The following NFIA variants were observed in gnomAD, a reference collection of about 807,000 sequenced individuals.
NFIA encodes the protein nuclear factor I A.
Under a neutral mutation model 62.8 loss-of-function variants are expected in NFIA, and 8 were observed. That is an observed-to-expected ratio of 0.13 (90% CI 0.07 to 0.23). NFIA has a LOEUF of 0.23. NFIA is among the 10% of genes least tolerant of loss of function. The pLI, the probability that NFIA is intolerant of heterozygous loss-of-function variation, is 1.00. For synonymous variants in NFIA, 235 were observed against 238.1 expected, an observed-to-expected ratio of 0.99 and a Z score of 0.12; for missense variants, 410 against 642.1, an observed-to-expected ratio of 0.64 and a Z score of 3.91.
chr1:61,336,309 A>AT (rs1408120382), intron 4 of NFIA, among the ~76,000 whole-genome samples: 7 of 152,014 alleles, frequency 4.6e-5, no homozygotes, highest in South Asian at 4.2e-4. Context: ...TACTTAATTA[A>AT]TTTTTTTTCC....
intron 2 of NFIA, among the ~76,000 whole-genome samples, chr1:61,273,023 C>G (rs568969241): frequency 3.9e-5 from 6 of 152,278 alleles, no homozygotes; most frequent in Non-Finnish European, 7.3e-5. Flanking sequence ...TCTAGTGGAA[C>G]CAGAATTTGT....
At chr1:61,435,995 T>G (rs1474899783) in intron 10 of NFIA, among the ~76,000 whole-genome samples, 1 of 152,162 alleles carries the variant, frequency 6.6e-6, no homozygotes, top group Non-Finnish European at 1.5e-5. Flanking sequence ...CAGAGGTCAT[T>G]TCTTTTCAGC....
intron 2 of NFIA, among the ~76,000 whole-genome samples, chr1:61,129,833 T>C (rs889914179): frequency 6.6e-6 from 1 of 152,180 alleles, no homozygotes; most frequent in Admixed American, 6.5e-5. Flanking sequence ...ACTTTAGAGA[T>C]AACAAATATG....
At chr1:61,443,047 T>A (rs990682627) in intron 10 of NFIA, among the ~76,000 whole-genome samples, 11 of 152,244 alleles carry the variant, frequency 7.2e-5, no homozygotes, top group Non-Finnish European at 1.5e-4. Flanking sequence ...CCTTAATGTT[T>A]TTTAATATTG....
chr1:61,133,582 G>A (rs1647121679), intron 2 of NFIA, among the ~76,000 whole-genome samples: 1 of 152,182 alleles, frequency 6.6e-6, no homozygotes, highest in South Asian at 2.1e-4. Context: ...GCATTGCCTA[G>A]TGGGGGTACC....
chr1:61,298,868 T>C (rs575827422), intron 3 of NFIA, among the ~76,000 whole-genome samples: 1 of 152,306 alleles, frequency 6.6e-6, no homozygotes, highest in Admixed American at 6.5e-5. Flanking sequence ...TACAACACGC[T>C]GGGAGAAACG....
Position 61,340,682 on chromosome 1 carries a change from T to C in NFIA, c.700+8096T>C, listed in dbSNP as rs138924692. Among the ~76,000 whole-genome samples, 361 of 152,318 alleles carry C rather than the reference T, an allele frequency of 2.4e-3. 1 individual carries two copies. Among genetic ancestry groups the C allele is most frequent in the African/African-American group, 8.3e-3 (345 of 41,578 alleles). On this transcript the variant is annotated intron_variant, in intron 4 of 10. Transcript: ENST00000403491. ...CAGAGCCAATCTTGGAGCTGACCAC[T>C]ATCAGTAAATTTATTGAAAATGCAT...
At chr1:61,268,416 A>AC (rs1309231654) in intron 2 of NFIA, among the ~76,000 whole-genome samples, 1 of 126,782 alleles carries the variant, frequency 7.9e-6, no homozygotes, top group East Asian at 2.5e-4. Context: ...CCCTGCCCCC[A>AC]CCCCCCGACA....
In NFIA at chr1:61,455,721, A is replaced by G. The variant is rs1668274535; in HGVS notation, c.*401A>G. The G allele has an allele frequency of 3.9e-6, 1 of 258,636 alleles. No individual in the cohort carries two copies. The highest frequency in any genetic ancestry group is 7.2e-6 in the Non-Finnish European group (1 of 138,266). The allele number at this position is 258,636 out of a possible 1,614,324, so 16.0% of individuals were successfully genotyped here. On this transcript the variant is annotated 3_prime_UTR_variant, in exon 11 of 11. Transcript: ENST00000403491. The stretch of plus-strand genomic sequence containing the variant: ...CTGTTTCACAGTATTTCATGAATTT[A>G]CCCACACAGGTGTGATCCTCCTTGA...
At chr1:61,166,018 T>C (rs977077824) in intron 2 of NFIA, among the ~76,000 whole-genome samples, 2 of 152,186 alleles carry the variant, frequency 1.3e-5, no homozygotes, top group African/African-American at 4.8e-5. Flanking sequence ...TGAAAGGGTA[T>C]ATAGATATGA....
chr1:61,340,877 A>C (rs149436730), intron 4 of NFIA, among the ~76,000 whole-genome samples: 1 of 152,218 alleles, frequency 6.6e-6, no homozygotes, highest in East Asian at 1.9e-4. Context: ...TTTTTCCTCA[A>C]ATTTTCAGAA....
chr1:61,244,102 A>G (rs764394879), intron 2 of NFIA, among the ~76,000 whole-genome samples: 11 of 152,230 alleles, frequency 7.2e-5, no homozygotes, highest in Non-Finnish European at 1.5e-4. Context: ...ATTGAAATAT[A>G]AAATTTACTT....
At chr1:61,438,179 A>G (rs371610682) in intron 10 of NFIA, among the ~76,000 whole-genome samples, 1 of 152,174 alleles carries the variant, frequency 6.6e-6, no homozygotes, top group Non-Finnish European at 1.5e-5. Flanking sequence ...TGATCTCAGT[A>G]TGTGACCTTG....
chr1:61,277,147 C>T (rs1166230414), intron 2 of NFIA, among the ~76,000 whole-genome samples: 1 of 152,168 alleles, frequency 6.6e-6, no homozygotes, highest in East Asian at 1.9e-4. Context: ...TGTTCTGAAT[C>T]AAGCTTCAGA....
chr1:61,386,352 A>G (rs1485144941), intron 7 of NFIA, among the ~76,000 whole-genome samples: 2 of 152,212 alleles, frequency 1.3e-5, no homozygotes, highest in Admixed American at 1.3e-4. Flanking sequence ...AAATTATTAG[A>G]TAATCCAGAG....
At chr1:61,434,768 C>CT (rs964202755) in intron 10 of NFIA, among the ~76,000 whole-genome samples, 3 of 151,780 alleles carry the variant, frequency 2.0e-5, no homozygotes, top group Admixed American at 6.6e-5. Flanking sequence ...TTCTTGCTTC[C>CT]TTTTTTTTAA....
intron 2 of NFIA, among the ~76,000 whole-genome samples, chr1:61,227,127 T>C (rs1164501746): frequency 6.6e-6 from 1 of 152,188 alleles, no homozygotes; most frequent in Non-Finnish European, 1.5e-5. Context: ...CCTTTACCCA[T>C]ATGCCATAGA....
chr1:61,213,166 A>G (rs1461723768), intron 2 of NFIA, among the ~76,000 whole-genome samples: 2 of 152,214 alleles, frequency 1.3e-5, no homozygotes, highest in Non-Finnish European at 2.9e-5. Flanking sequence ...AAAGTGACCC[A>G]AGTTTGATGT....
chr1:61,303,017 C>T (rs1025067195), intron 3 of NFIA, among the ~76,000 whole-genome samples: 7 of 152,172 alleles, frequency 4.6e-5, no homozygotes, highest in Non-Finnish European at 1.0e-4. Context: ...CATTATTCCT[C>T]ATTTGGTTCT....
Sources: gnomAD v4.1 joint callset for allele counts (sites outside exome capture counted in the v4.1 genomes callset) on GRCh38, gnomAD v4.1.1 for gene constraint, MANE v1.5 for transcripts, NCBI Gene and HGNC (gene_info 2026-07-23, HGNC 2026-07-21) for gene names.